GRB10: variants seen among roughly 807,000 people sequenced by gnomAD.
GRB10 encodes growth factor receptor-bound protein 10.
Under a neutral mutation model 80.9 loss-of-function variants are expected in GRB10, and 20 were observed. The ratio of observed to expected loss-of-function variants is 0.25; its 90% CI spans 0.17 to 0.36. The LOEUF is 0.36. Ranked by LOEUF, GRB10 falls within the 10% of genes least tolerant of loss-of-function variation. The pLI is 1.00. For synonymous variants in GRB10, 291 were observed against 291.5 expected (o/e 1.00, Z 0.02); for missense variants, 548 against 747.7 (o/e 0.73, Z 3.12).
chr7:50,777,686 C>G (rs2077832551), intron 2 of GRB10, among the ~76,000 whole-genome samples: 1 of 151,942 alleles, frequency 6.6e-6, no homozygotes, highest in Admixed American at 6.6e-5. Context: ...TAATGATAGA[C>G]TGGATAAAGA....
chr7:50,617,926 C>T (rs538058857), intron 10 of GRB10, 145 bp downstream of exon 10: 5 of 755,372 alleles, frequency 6.6e-6, no homozygotes, highest in African/African-American at 5.2e-5. Flanking sequence ...AACCCTCCCC[C>T]CAACCACCCC....
rs950569682 is a variant in GRB10 at position 50,604,245 on chromosome 7, G to C, written c.1456+66C>G. On this transcript the variant is annotated intron_variant, in intron 16 of 18. Coordinates refer to ENST00000401949, the MANE Select transcript of GRB10 (RefSeq NM_001350814.2). Reference sequence around the variant, plus strand: ...CAGGCAAATTCGTAAGGCTGAGGGGGAGTGGAGGGGGGTGCTGTTTGATTT... The same window carrying C: ...CAGGCAAATTCGTAAGGCTGAGGGGCAGTGGAGGGGGGTGCTGTTTGATTT... The C allele has an allele frequency of 2.5e-5, 34 of 1,385,582 alleles. No individual in the cohort carries two copies. In the Admixed American group the frequency reaches 2.8e-4, roughly 12 times the overall value. 85.8% of individuals were successfully genotyped at this position (1,385,582 alleles called of 1,614,324 possible).
At chr7:50,744,953 C>G (rs762105826) in intron 3 of GRB10, among the ~76,000 whole-genome samples, 1 of 152,138 alleles carries the variant, frequency 6.6e-6, no homozygotes, top group Non-Finnish European at 1.5e-5. Context: ...CATGTATGGT[C>G]TGTGTTTGTG....
chr7:50,627,547 A>T (rs960321872), intron 7 of GRB10, among the ~76,000 whole-genome samples: 7 of 152,178 alleles, frequency 4.6e-5, no homozygotes, highest in Non-Finnish European at 1.0e-4. Flanking sequence ...AGGGCATAAT[A>T]AAAACATAGT....
intron 12 of GRB10, among the ~76,000 whole-genome samples, chr7:50,613,110 C>G (rs2049880312): frequency 6.6e-6 from 1 of 152,142 alleles, no homozygotes; most frequent in Admixed American, 6.5e-5. Flanking sequence ...TCAGAGGAGA[C>G]AGAAAAACAA....
At chr7:50,640,441 ACAC>A (rs983439148) in intron 7 of GRB10, among the ~76,000 whole-genome samples, 4 of 152,196 alleles carry the variant, frequency 2.6e-5, no homozygotes, top group African/African-American at 7.2e-5. Context: ...AGACACCATG[ACAC>A]CACATTAGGT....
At chr7:50,647,327 T>G (rs1378856850) in intron 7 of GRB10, among the ~76,000 whole-genome samples, 1 of 152,210 alleles carries the variant, frequency 6.6e-6, no homozygotes, top group Non-Finnish European at 1.5e-5. Flanking sequence ...CAAACTTTAA[T>G]GAAACATTAA....
intron 2 of GRB10, among the ~76,000 whole-genome samples, chr7:50,762,266 T>C (rs779887925): frequency 1.3e-5 from 2 of 150,722 alleles, no homozygotes; most frequent in Non-Finnish European, 2.9e-5. Flanking sequence ...ATGGTGAAAA[T>C]GATTTAATTA....
intron 3 of GRB10, 79 bp from the exon 4 acceptor site, chr7:50,732,447 A>G: frequency 2.3e-6 from 2 of 866,428 alleles, no homozygotes; most frequent in South Asian, 1.4e-5. Context: ...TTCAAGTGTG[A>G]CATGTCTGAA....
intron 5 of GRB10, among the ~76,000 whole-genome samples, chr7:50,696,416 T>C (rs938742077): frequency 3.9e-5 from 6 of 152,198 alleles, no homozygotes; most frequent in African/African-American, 1.4e-4. Flanking sequence ...TCCCATGTTA[T>C]AGACAAGGAA....
At chr7:50,768,820 G>A (rs1053217330) in intron 2 of GRB10, among the ~76,000 whole-genome samples, 1 of 152,186 alleles carries the variant, frequency 6.6e-6, no homozygotes, top group Non-Finnish European at 1.5e-5. Context: ...CTGTTGATGA[G>A]GCCCACAGGG....
At chr7:50,658,640 C>G (rs1182111909) in intron 7 of GRB10, among the ~76,000 whole-genome samples, 1 of 152,186 alleles carries the variant, frequency 6.6e-6, no homozygotes, top group African/African-American at 2.4e-5. Context: ...ATGCTCTTGA[C>G]AGCTATAGAT....
chr7:50,666,600 C>A (rs933402167), intron 7 of GRB10, among the ~76,000 whole-genome samples: 3 of 152,218 alleles, frequency 2.0e-5, no homozygotes, highest in Admixed American at 6.5e-5. Flanking sequence ...CCCACCCTGT[C>A]CCAGCACGCG....
rs901334880 is a variant in GRB10 at position 50,616,195 on chromosome 7, G to C, written c.984+15C>G. ...GGCAGAATTAGGGCTGGTGGTGGTAGCTTTTAAAGCTCACCTTTGAAGTTC... is the reference window on the plus strand; with the variant it reads ...GGCAGAATTAGGGCTGGTGGTGGTACCTTTTAAAGCTCACCTTTGAAGTTC... On this transcript the variant is annotated intron_variant, in intron 11 of 18. Transcript: ENST00000401949. 2 of 1,614,128 alleles carry C rather than the reference G, an allele frequency of 1.2e-6. No individual in the cohort carries two copies. Among genetic ancestry groups the C allele is most frequent in the Admixed American group, 3.3e-5 (2 of 60,024 alleles).
intron 7 of GRB10, among the ~76,000 whole-genome samples, chr7:50,631,653 G>A (rs1476162436): frequency 1.3e-5 from 2 of 152,224 alleles, no homozygotes; most frequent in Non-Finnish European, 2.9e-5. Context: ...GCAGGCAAAA[G>A]GTCCCGAAGA....
intron 7 of GRB10, among the ~76,000 whole-genome samples, chr7:50,635,315 G>T (rs566703827): frequency 7.2e-4 from 109 of 152,088 alleles, no homozygotes; most frequent in African/African-American, 2.5e-3. Context: ...GGCAGAAAAA[G>T]AAATTTTTTT....
At chr7:50,786,703 G>A (rs546707360), upstream of GRB10, among the ~76,000 whole-genome samples, 1 of 152,344 alleles carries the variant, frequency 6.6e-6, no homozygotes, top group African/African-American at 2.4e-5. Flanking sequence ...GTCTCAAAAA[G>A]TTGACATCTT....
chr7:50,736,104 G>A (rs2070749745), intron 3 of GRB10, among the ~76,000 whole-genome samples: 1 of 152,060 alleles, frequency 6.6e-6, no homozygotes, highest in Non-Finnish European at 1.5e-5. Flanking sequence ...TGGCCAACAT[G>A]GTGAAACCTC....
At chr7:50,754,116 G>C (rs2074639474) in intron 3 of GRB10, among the ~76,000 whole-genome samples, 1 of 152,216 alleles carries the variant, frequency 6.6e-6, no homozygotes, top group Non-Finnish European at 1.5e-5. Context: ...CCCTGATTCA[G>C]CTTCGCAGGG....
Sources: allele counts gnomAD v4.1 joint callset (sites outside exome capture counted in the v4.1 genomes callset), GRCh38; gene constraint gnomAD v4.1.1; transcripts MANE v1.5; gene names NCBI Gene and HGNC (gene_info 2026-07-23, HGNC 2026-07-21).